CPAMD8: variants seen among roughly 807,000 people sequenced by gnomAD.
CPAMD8 encodes the protein C3 and PZP like alpha-2-macroglobulin domain containing 8.
Under a neutral mutation model 224.7 loss-of-function variants are expected in CPAMD8, and 146 were observed. The observed-to-expected ratio is 0.65, with a 90% CI of 0.57 to 0.75. CPAMD8 has a LOEUF of 0.75. Ranked by LOEUF, CPAMD8 falls within the 30% of genes least tolerant of loss-of-function variation. The probability of loss-of-function intolerance (pLI) is 0.00; values close to 1 mark genes in which losing one functional copy is unlikely to be tolerated. For missense variants in CPAMD8, 2,301 were observed against 2,537.5 expected (o/e 0.91, Z 2.00); for synonymous variants, 966 against 1,044.6 (o/e 0.92, Z 1.45).
intron 30 of CPAMD8, among the ~76,000 whole-genome samples, chr19:16,906,370 CTTT>C (rs1214681099): frequency 0.18 from 16,004 of 90,612 alleles, 1,540 homozygotes; most frequent in South Asian, 0.27. Context: ...TTCTTTCTTT[CTTT>C]CTTTCTTTCT....
intron 12 of CPAMD8, 69 bp downstream of exon 12, chr19:16,993,347 C>G (rs1250991117): frequency 3.6e-6 from 5 of 1,399,262 alleles, no homozygotes; most frequent in Non-Finnish European, 2.0e-6. Context: ...GGTGCCTGCA[C>G]CCAGCCTGGG....
At chr19:17,000,154 ATAT>A (rs1439419941) in intron 10 of CPAMD8, 2 of 363,156 alleles carry the variant, frequency 5.5e-6, no homozygotes, top group African/African-American at 2.1e-5. Flanking sequence ...AATCCCTGCC[ATAT>A]AACTGTTTTA....
chr19:17,013,612 G>C (rs889038825), intron 3 of CPAMD8, among the ~76,000 whole-genome samples: 2 of 151,948 alleles, frequency 1.3e-5, no homozygotes, highest in African/African-American at 4.8e-5. Context: ...AATCCACAGA[G>C]ACAGGAATCA....
At chr19:16,912,250 C>A (rs149995161) in intron 29 of CPAMD8, among the ~76,000 whole-genome samples, 12 of 152,246 alleles carry the variant, frequency 7.9e-5, no homozygotes, top group African/African-American at 2.9e-4. Flanking sequence ...GTCCCTTGTG[C>A]CAAAAAGGTT....
At chr19:16,996,022 T>C (rs987529848) in intron 11 of CPAMD8, among the ~76,000 whole-genome samples, 5 of 152,036 alleles carry the variant, frequency 3.3e-5, no homozygotes, top group African/African-American at 2.4e-5. Context: ...TGGTGGGGCA[T>C]GCCTGTAATC....
intron 36 of CPAMD8, 143 bp downstream of exon 36, chr19:16,901,061 AAGGGGG>A (rs2052235120): frequency 3.5e-6 from 2 of 563,696 alleles, no homozygotes. Flanking sequence ...GGGGGAGGGG[AAGGGGG>A]AGGGGGAGAG....
chr19:16,977,605 T>G (rs762755176), intron 14 of CPAMD8, 65 bp from the exon 15 acceptor site: 8 of 1,313,058 alleles, frequency 6.1e-6, no homozygotes, highest in Non-Finnish European at 8.3e-6. Flanking sequence ...CCTCAGCCAT[T>G]CAGGCTCTGC....
At chr19:17,001,967 GAGGGAGGAGGACACCCC>G (rs952882584) in intron 9 of CPAMD8, among the ~76,000 whole-genome samples, 87 of 151,810 alleles carry the variant, frequency 5.7e-4, no homozygotes, top group African/African-American at 2.0e-3. Context: ...AGATACTTTA[GAGGGAGGAGGACACCCC>G]AGGGAGGAGG....
At chr19:16,943,826 C>T (rs62129667) in intron 22 of CPAMD8, among the ~76,000 whole-genome samples, 34,654 of 152,052 alleles carry the variant, frequency 0.23, 4,165 homozygotes, top group African/African-American at 0.3. Context: ...ACGCTTCCAT[C>T]CGAATCTGGG....
chr19:16,926,287 A>T (rs1261170899), intron 25 of CPAMD8, among the ~76,000 whole-genome samples: 1 of 142,558 alleles, frequency 7.0e-6, no homozygotes, highest in Non-Finnish European at 1.5e-5. Flanking sequence ...TGTCCCCTGA[A>T]CACACCTTCT....
chr19:16,931,864 A>C (rs1367654933), intron 23 of CPAMD8, among the ~76,000 whole-genome samples: 1 of 152,212 alleles, frequency 6.6e-6, no homozygotes, highest in Non-Finnish European at 1.5e-5. Flanking sequence ...TGGAGACTAC[A>C]CTACTATACA....
In CPAMD8 at chr19:17,011,534, G is replaced by A. The variant is rs1319463336; in HGVS notation, c.434-18C>T. ...TATGAGCACTAGAAGAAAGAAGAGA[G>A]GCGTGTGACACCTCCAGACCATGGC... On this transcript the variant is annotated intron_variant, in intron 4 of 41. Coordinates refer to ENST00000443236, the MANE Select transcript of CPAMD8 (RefSeq NM_015692.5). 2.5e-6 allele frequency: 4 copies of A among 1,613,988 alleles called. No homozygotes were observed. The South Asian group carries it at 3.3e-5, about 13-fold the overall frequency.
Position 17,008,535 on chromosome 19 carries a change from CTA to C in CPAMD8, c.527_528del (p.Ile176ArgfsTer33), listed in dbSNP as rs1304654948. 1 of 1,613,624 alleles carries C rather than the reference CTA, an allele frequency of 6.2e-7. No homozygotes were observed. Among genetic ancestry groups the C allele is most frequent in the Admixed American group, 1.7e-5 (1 of 59,992 alleles). ...YILDPRGSRM[I>X]EWRHLKPFCC... The stretch of plus-strand genomic sequence containing the variant: ...CAGAACGGCTTTAAGTGTCTCCACT[CTA>C]TCATCCGAGAGCCTCGGGGGTCCTG... On this transcript the variant is annotated frameshift_variant, in exon 7 of 42. Transcript: ENST00000443236. LOFTEE classifies it high-confidence loss of function.
At chr19:16,968,534 G>A (rs1245796584) in intron 18 of CPAMD8, among the ~76,000 whole-genome samples, 1 of 152,164 alleles carries the variant, frequency 6.6e-6, no homozygotes. Context: ...ATTTGGCAGT[G>A]AGCAATACTG....
intron 21 of CPAMD8, 28 bp from the exon 22 acceptor site, chr19:16,945,707 G>A: frequency 1.2e-6 from 2 of 1,612,572 alleles, no homozygotes; most frequent in Non-Finnish European, 1.7e-6. Context: ...CTTGGTCTCA[G>A]AACAGGTCTC....
At chr19:16,982,462 C>G (rs189026996) in intron 13 of CPAMD8, among the ~76,000 whole-genome samples, 1,587 of 152,134 alleles carry the variant, frequency 0.01, 17 homozygotes, top group African/African-American at 0.027. Context: ...CTACCTCCCC[C>G]TAAAGGAAGA....
At position 16,993,584 on chromosome 19, in the gene CPAMD8, C is replaced by T; in HGVS notation, c.1098G>A (p.Val366=). The change falls in exon 12 of 42, where the codon GTG becomes GTA. Residue 366 remains valine (V), a splice_region_variant and synonymous_variant. Transcript: ENST00000443236. ...FKPGLAYVGK[V]ELSYPDGSPA... Reference sequence around the variant, plus strand: ...GGCTGCCATCGGGGTAGGATAGCTCCACCTAGAAAAGGTCACCCAAGACAC... The same window carrying T: ...GGCTGCCATCGGGGTAGGATAGCTCTACCTAGAAAAGGTCACCCAAGACAC... 4 of 1,614,004 alleles carry T rather than the reference C, an allele frequency of 2.5e-6. No homozygotes were observed. Among genetic ancestry groups the T allele is most frequent in the Non-Finnish European group, 1.7e-6 (2 of 1,179,948 alleles).
chr19:17,004,879 A>G lies in CPAMD8; in HGVS notation c.560-493T>C, dbSNP rs577188810. Among the ~76,000 whole-genome samples, 150 of 152,132 alleles carry G rather than the reference A, an allele frequency of 9.9e-4. 2 individuals are homozygous for G. In the South Asian group the frequency reaches 0.031, roughly 31 times the overall value. ...ATGCCCCCCACAATATAACGACCTA[A>G]AAAAGTCCCCCAGATACTGCCAATA... On this transcript the variant is annotated intron_variant, in intron 7 of 41. Coordinates refer to ENST00000443236, the MANE Select transcript of CPAMD8 (RefSeq NM_015692.5).
At chr19:17,002,570 C>A (rs2056362621) in intron 8 of CPAMD8, 1 of 452,378 alleles carries the variant, frequency 2.2e-6, no homozygotes, top group Non-Finnish European at 4.0e-6. Context: ...CCTCAAGGGG[C>A]CTCCCCTGTC....
Sources: allele counts gnomAD v4.1 joint callset (sites outside exome capture counted in the v4.1 genomes callset), GRCh38; gene constraint gnomAD v4.1.1; transcripts MANE v1.5; gene names NCBI Gene and HGNC (gene_info 2026-07-23, HGNC 2026-07-21).